Variants in DNAH14 observed in about 807,000 individuals in gnomAD.
DNAH14 encodes the protein axonemal beta dynein heavy chain 14.
DNAH14 carries 478 observed loss-of-function variants against 520.9 expected under a neutral mutation model. The observed-to-expected ratio is 0.92, with a 90% CI of 0.85 to 0.99. DNAH14 has a LOEUF of 0.99. Among genes scored for constraint, DNAH14 ranks in the 50% least tolerant of loss-of-function variants. DNAH14 has a pLI of 0.00. For synonymous variants in DNAH14, 1,581 were observed against 1,757.2 expected (o/e 0.90, Z 2.51); for missense variants, 4,831 against 5,234.5 (o/e 0.92, Z 2.38).
At chr1:225,221,820 A>G (rs1170972971) in intron 41 of DNAH14, among the ~76,000 whole-genome samples, 4 of 152,154 alleles carry the variant, frequency 2.6e-5, no homozygotes, top group African/African-American at 9.7e-5. Context: ...TAGAGGAGTT[A>G]CTCTAAATAG....
intron 83 of DNAH14, 50 bp from the exon 84 acceptor site, chr1:225,392,241 G>A: frequency 1.9e-6 from 3 of 1,542,402 alleles, no homozygotes; most frequent in Non-Finnish European, 2.6e-6. Context: ...ACCCCAGCAG[G>A]AGGCCCTGAG....
chr1:224,943,413 C>G (rs1337586229), intron 1 of DNAH14, among the ~76,000 whole-genome samples: 3 of 152,026 alleles, frequency 2.0e-5, no homozygotes, highest in Non-Finnish European at 4.4e-5. Flanking sequence ...TGCTAGCGGT[C>G]TATCAATTTT....
At chr1:225,106,856 A>G (rs567393998) in intron 23 of DNAH14, among the ~76,000 whole-genome samples, 3 of 152,094 alleles carry the variant, frequency 2.0e-5, no homozygotes, top group African/African-American at 4.8e-5. Context: ...TAGTTTGATC[A>G]TCTGAAACCT....
intron 1 of DNAH14, among the ~76,000 whole-genome samples, chr1:224,930,996 C>T (rs1271044232): frequency 1.3e-5 from 2 of 152,096 alleles, no homozygotes; most frequent in Non-Finnish European, 2.9e-5. Context: ...AGGAGATATT[C>T]CAGAAGAAGG....
Position 225,351,654 on chromosome 1 carries a change from T to C in DNAH14, c.11304T>C (p.Phe3768=). ...ALSQSRLTST[F]EIGESQHLQW... ...TCTTTCTTTTTTTATCAGGCACATT[T>C]GAAATAGGTGAAAGTCAACATCTTC... Residue 3768 remains phenylalanine (F), a synonymous_variant, in exon 72 of 86, where the codon TTT becomes TTC. Transcript: ENST00000682510. 1 of 1,543,148 alleles carries C rather than the reference T, an allele frequency of 6.5e-7. No individual in the cohort carries two copies. Among genetic ancestry groups the C allele is most frequent in the Non-Finnish European group, 8.8e-7 (1 of 1,141,744 alleles).
At chr1:225,185,198 A>G in intron 36 of DNAH14, 93 bp from the exon 37 acceptor site, 3 of 1,345,780 alleles carry the variant, frequency 2.2e-6, no homozygotes, top group Non-Finnish European at 3.0e-6. Flanking sequence ...TATTATAGCC[A>G]CAAAAAATAA....
chr1:224,987,090 G>A (rs1243582252), intron 8 of DNAH14, among the ~76,000 whole-genome samples: 1 of 150,376 alleles, frequency 6.6e-6, no homozygotes, highest in Non-Finnish European at 1.5e-5. Context: ...ATAGCTACAA[G>A]TATATGTGGA....
At chr1:225,322,388 C>T (rs2094575045) in intron 61 of DNAH14, among the ~76,000 whole-genome samples, 1 of 152,018 alleles carries the variant, frequency 6.6e-6, no homozygotes, top group African/African-American at 2.4e-5. Flanking sequence ...CATGCCCAGC[C>T]CAAGACTTTT....
rs145902254 is a variant in DNAH14, at chr1:225,307,373, T to C, written c.9006-88T>C. 412 of 926,740 alleles carry C rather than the reference T, an allele frequency of 4.4e-4. 1 individual carries two copies. The African/African-American group carries it at 6.2e-3, about 14-fold the overall frequency. 57.4% of individuals were successfully genotyped at this position (926,740 alleles called of 1,614,324 possible). On this transcript the variant is annotated intron_variant, in intron 58 of 85. Coordinates refer to ENST00000682510, the MANE Select transcript of DNAH14 (RefSeq NM_001367479.1). ...AGAATAAAATCCATTTGGCCATAAT[T>C]TGGTGTAATTCTTTTTATATATTAT...
chr1:225,358,018 G>C (rs1188516758), intron 73 of DNAH14: 8 of 556,036 alleles, frequency 1.4e-5, no homozygotes, highest in Non-Finnish European at 3.1e-6. Flanking sequence ...TTTCAGATTT[G>C]TATTCTAATT....
At position 225,181,050 on chromosome 1, in the gene DNAH14, C is replaced by G. The variant is rs552635181; in HGVS notation, c.5536-4241C>G. ...CTGCCCATGTGTACTTAAGATTTAC[C>G]TGTTACTTGTAAGTGAGAACTTGTG... is the stretch of plus-strand genomic sequence containing the variant. On this transcript the variant is annotated intron_variant, in intron 36 of 85. Transcript: ENST00000682510. Among the ~76,000 whole-genome samples the G allele has an allele frequency of 1.1e-3, 168 of 152,104 alleles. 1 individual carries two copies. The highest frequency in any genetic ancestry group is 1.9e-3 in the Non-Finnish European group (127 of 68,010).
At chr1:225,186,975 T>A (rs912241445) in intron 37 of DNAH14, among the ~76,000 whole-genome samples, 1 of 151,890 alleles carries the variant, frequency 6.6e-6, no homozygotes, top group Non-Finnish European at 1.5e-5. Flanking sequence ...GTTCAAGACC[T>A]TCTCTTTATT....
In DNAH14 at chr1:225,100,800, T is replaced by C. The variant is rs556552320; in HGVS notation, c.3783T>C (p.Ala1261=). The change falls in exon 23 of 86, where the codon GCT becomes GCC. Residue 1261 remains alanine, a synonymous_variant. Coordinates refer to ENST00000682510, the MANE Select transcript of DNAH14 (RefSeq NM_001367479.1). ...IMSKIQNKQN[A]LQITTSAGVL... is the part of the protein sequence containing the mutation. Reference sequence around the variant, plus strand: ...CAAAAATACAAAACAAACAGAATGCTTTGCAGATAACCACTTCTGCAGGAG... The same window carrying C: ...CAAAAATACAAAACAAACAGAATGCCTTGCAGATAACCACTTCTGCAGGAG... The C allele has an allele frequency of 1.6e-4, 250 of 1,539,376 alleles. 3 individuals are homozygous for C. In the South Asian group the frequency reaches 2.5e-3, roughly 16 times the overall value.
At chr1:225,018,345 A>C (rs1480115834) in intron 10 of DNAH14, among the ~76,000 whole-genome samples, 1 of 152,232 alleles carries the variant, frequency 6.6e-6, no homozygotes, top group Non-Finnish European at 1.5e-5. Flanking sequence ...AATAAAGAAA[A>C]AAGAAGTTTA....
intron 41 of DNAH14, among the ~76,000 whole-genome samples, chr1:225,210,351 T>A (rs958494184): frequency 3.9e-5 from 6 of 152,134 alleles, no homozygotes; most frequent in Non-Finnish European, 7.4e-5. Context: ...TTACAGAGGC[T>A]TGAATAGGCA....
chr1:225,294,183 T>A lies in DNAH14; in HGVS notation c.8469+4101T>A, dbSNP rs192899476. On this transcript the variant is annotated intron_variant, in intron 55 of 85. Transcript: ENST00000682510. ...GATTTTATTTAATGCCTTTTCAGCATCTATTGAGATGATTGTGGTTTTTTT... is the reference window on the plus strand; with the variant it reads ...GATTTTATTTAATGCCTTTTCAGCAACTATTGAGATGATTGTGGTTTTTTT... Among the ~76,000 whole-genome samples the A allele has an allele frequency of 1.2e-3, 180 of 152,346 alleles. 2 individuals are homozygous for A. The highest frequency in any genetic ancestry group is 6.8e-3 in the Middle Eastern group (2 of 294).
chr1:224,970,602 C>T lies in DNAH14; in HGVS notation c.767+1728C>T, dbSNP rs547819515. On this transcript the variant is annotated intron_variant, in intron 7 of 85. Coordinates refer to ENST00000682510, the MANE Select transcript of DNAH14 (RefSeq NM_001367479.1). ...CCGGACACCCAGCTTTAAAATTTCT[C>T]TCTTTTGTATGCTGTCCCTTTATTT... Among the ~76,000 whole-genome samples, 199 of 152,266 alleles carry T rather than the reference C, an allele frequency of 1.3e-3. 1 individual carries two copies. Among genetic ancestry groups the T allele is most frequent in the Middle Eastern group, 3.4e-3 (1 of 294 alleles).
At chr1:225,191,342 T>C (rs556305231) in intron 37 of DNAH14, among the ~76,000 whole-genome samples, 3 of 152,164 alleles carry the variant, frequency 2.0e-5, no homozygotes, top group Admixed American at 6.6e-5. Flanking sequence ...TTGCTGCATA[T>C]AGAATTCTTG....
At chr1:225,087,628 A>G (rs1191428853) in intron 21 of DNAH14, among the ~76,000 whole-genome samples, 1 of 152,220 alleles carries the variant, frequency 6.6e-6, no homozygotes. Flanking sequence ...GACCTTGGAG[A>G]AGGAAGATGG....
Sources: gnomAD v4.1 joint callset for allele counts (sites outside exome capture counted in the v4.1 genomes callset) on GRCh38, gnomAD v4.1.1 for gene constraint, MANE v1.5 for transcripts, NCBI Gene and HGNC (gene_info 2026-07-23, HGNC 2026-07-21) for gene names.